Variants in DCC observed in about 807,000 individuals in gnomAD.
DCC encodes DCC netrin 1 receptor, also known as netrin receptor DCC.
A neutral mutation model predicts 172.5 loss-of-function variants in DCC; 58 were observed. The observed-to-expected ratio is 0.34, with a 90% CI of 0.27 to 0.42. The LOEUF (loss-of-function observed/expected upper bound fraction) is 0.42. DCC is among the 10% of genes least tolerant of loss of function. DCC has a pLI of 1.00. For missense variants in DCC, 1,740 were observed against 1,791.0 expected (o/e 0.97, Z 0.51); for synonymous variants, 709 against 644.5 (o/e 1.10, Z -1.52).
At chr18:53,351,171 A>G (rs1450949416) in intron 15 of DCC, among the ~76,000 whole-genome samples, 1 of 149,330 alleles carries the variant, frequency 6.7e-6, no homozygotes, top group Non-Finnish European at 1.5e-5. Flanking sequence ...TCCAAAGCAC[A>G]GGAATTGTCT....
Position 52,733,936 on chromosome 18 carries a change from T to C in DCC, c.92-18118T>C, listed in dbSNP as rs547447815. Reference sequence around the variant, plus strand: ...AAGAGTATATTATACATTTCAGAAATAGAAATGTATATTCTATATTTCAAT... The same window carrying C: ...AAGAGTATATTATACATTTCAGAAACAGAAATGTATATTCTATATTTCAAT... On this transcript the variant is annotated intron_variant, in intron 1 of 28. Coordinates refer to ENST00000442544, the MANE Select transcript of DCC (RefSeq NM_005215.4). Among the ~76,000 whole-genome samples, 142 of 152,266 alleles carry C rather than the reference T, an allele frequency of 9.3e-4. 2 individuals are homozygous for C. The highest frequency in any genetic ancestry group is 1.6e-3 in the Non-Finnish European group (112 of 68,004).
intron 7 of DCC, among the ~76,000 whole-genome samples, chr18:53,084,606 T>G (rs1384823720): frequency 6.6e-6 from 1 of 152,172 alleles, no homozygotes; most frequent in Non-Finnish European, 1.5e-5. Context: ...TTCCCAGCTT[T>G]GAAGACAGAG....
At chr18:53,205,801 G>T (rs1341926182) in intron 10 of DCC, among the ~76,000 whole-genome samples, 1 of 151,936 alleles carries the variant, frequency 6.6e-6, no homozygotes, top group Non-Finnish European at 1.5e-5. Context: ...ATCAGGATGT[G>T]TCCTACCATT....
At position 53,427,936 on chromosome 18, in the gene DCC, T is replaced by TAATATATTATAATATATAATATAATAA. The variant is rs1487116534; in HGVS notation, c.3164-7207_3164-7181dup. On this transcript the variant is annotated intron_variant, in intron 21 of 28. Coordinates refer to ENST00000442544, the MANE Select transcript of DCC (RefSeq NM_005215.4). ...TAATAATATAATATATAATATAATATAATATATTATAATATATAATATAAT... is the reference window on the plus strand; with the variant it reads ...TAATAATATAATATATAATATAATATAATATATTATAATATATAATATAATAAAATATATTATAATATATAATATAAT... 1.6e-3 allele frequency among the ~76,000 whole-genome samples: 83 copies of TAATATATTATAATATATAATATAATAA among 50,824 alleles called. 11 individuals carry two copies. In the East Asian group the frequency reaches 0.026, roughly 16 times the overall value. The allele number at this position is 50,824 out of a possible 152,430, so 33.3% of individuals were successfully genotyped here.
chr18:53,262,784 AC>A (rs2056621622), intron 12 of DCC, among the ~76,000 whole-genome samples: 1 of 152,250 alleles, frequency 6.6e-6, no homozygotes, highest in Non-Finnish European at 1.5e-5. Context: ...GCAAATAATC[AC>A]AAGCATCTTC....
chr18:53,154,475 A>G (rs759901589), intron 7 of DCC, among the ~76,000 whole-genome samples: 1 of 152,172 alleles, frequency 6.6e-6, no homozygotes, highest in Non-Finnish European at 1.5e-5. Flanking sequence ...TGGAGGAAAA[A>G]TAAGTAGTAG....
intron 23 of DCC, among the ~76,000 whole-genome samples, chr18:53,453,831 G>T (rs893053818): frequency 6.6e-6 from 1 of 151,806 alleles, no homozygotes; most frequent in Admixed American, 6.6e-5. Context: ...AGCTTTTTTT[G>T]TTGGTTTTTT....
chr18:52,794,258 G>A (rs961651876), intron 2 of DCC, among the ~76,000 whole-genome samples: 4 of 151,972 alleles, frequency 2.6e-5, no homozygotes, highest in Non-Finnish European at 5.9e-5. Flanking sequence ...TGGGAAGGAT[G>A]GCTATTTTAA....
intron 2 of DCC, among the ~76,000 whole-genome samples, chr18:52,765,885 T>A (rs193095554): frequency 1.1e-3 from 163 of 152,296 alleles, no homozygotes; most frequent in African/African-American, 3.8e-3. Flanking sequence ...CATGTATTAA[T>A]GGCTATGAGA....
chr18:52,717,063 T>C (rs904413976), intron 1 of DCC, among the ~76,000 whole-genome samples: 2 of 152,132 alleles, frequency 1.3e-5, no homozygotes, highest in African/African-American at 4.8e-5. Context: ...TCAGACCACA[T>C]GAATGAATCC....
At chr18:53,127,196 G>C (rs1379439279) in intron 7 of DCC, among the ~76,000 whole-genome samples, 1 of 149,606 alleles carries the variant, frequency 6.7e-6, no homozygotes, top group Admixed American at 6.7e-5. Flanking sequence ...TGTAGGGATG[G>C]GGGTCTCGTT....
intron 1 of DCC, among the ~76,000 whole-genome samples, chr18:52,355,091 A>G (rs565120545): frequency 5.9e-5 from 9 of 152,316 alleles, no homozygotes; most frequent in Admixed American, 1.3e-4. Context: ...TAATAATCCC[A>G]GGGATAGACT....
intron 1 of DCC, among the ~76,000 whole-genome samples, chr18:52,717,351 C>A (rs535790708): frequency 6.6e-6 from 1 of 151,032 alleles, no homozygotes; most frequent in Admixed American, 6.6e-5. Flanking sequence ...GCTTATCATT[C>A]ATTTAACAGG....
intron 1 of DCC, among the ~76,000 whole-genome samples, chr18:52,740,292 A>T (rs1005519176): frequency 6.6e-6 from 1 of 152,168 alleles, no homozygotes; most frequent in Admixed American, 6.5e-5. Context: ...TTTAAAACTC[A>T]TTGGTGCTTA....
intron 1 of DCC, among the ~76,000 whole-genome samples, chr18:52,581,668 T>C (rs1369815110): frequency 1.3e-5 from 2 of 152,182 alleles, no homozygotes; most frequent in Non-Finnish European, 2.9e-5. Context: ...TATATACCTC[T>C]GATTTCTTCA....
At chr18:52,544,799 G>A (rs913638137) in intron 1 of DCC, among the ~76,000 whole-genome samples, 7 of 152,112 alleles carry the variant, frequency 4.6e-5, no homozygotes, top group Non-Finnish European at 1.0e-4. Context: ...TACCCCCTTA[G>A]TTTGACTGAA....
chr18:53,489,789 T>TATC (rs1399039711), intron 26 of DCC, among the ~76,000 whole-genome samples: 1 of 152,210 alleles, frequency 6.6e-6, no homozygotes, highest in African/African-American at 2.4e-5. Context: ...TTCGCTGACC[T>TATC]ATCAGTAAAT....
intron 1 of DCC, among the ~76,000 whole-genome samples, chr18:52,751,296 A>G (rs1406802931): frequency 1.3e-5 from 2 of 152,220 alleles, no homozygotes; most frequent in Non-Finnish European, 2.9e-5. Context: ...CAAAAACAAT[A>G]TACTTTAACT....
At chr18:53,031,471 G>A (rs1325652128) in intron 5 of DCC, among the ~76,000 whole-genome samples, 2 of 151,980 alleles carry the variant, frequency 1.3e-5, no homozygotes, top group African/African-American at 4.8e-5. Context: ...TGGAGATGAG[G>A]GTCCAATTCT....
Sources: allele counts gnomAD v4.1 joint callset (sites outside exome capture counted in the v4.1 genomes callset), GRCh38; gene constraint gnomAD v4.1.1; transcripts MANE v1.5; gene names NCBI Gene and HGNC (gene_info 2026-07-23, HGNC 2026-07-21).